ALKBH3: variants seen among roughly 807,000 people sequenced by gnomAD.
ALKBH3 encodes the protein alkB homolog 3, alpha-ketoglutarate dependent dioxygenase, also known as alpha-ketoglutarate-dependent dioxygenase alkB homolog 3.
In ALKBH3, 51 loss-of-function variants were observed where a neutral mutation model predicts 43.9. That is an observed-to-expected ratio of 1.16 (90% CI 0.93 to 1.47). ALKBH3 has a LOEUF of 1.47. Ranked by LOEUF, ALKBH3 falls within the 40% of genes most tolerant of loss-of-function variation. The pLI, the probability that ALKBH3 is intolerant of heterozygous loss-of-function variation, is 0.00. For synonymous variants in ALKBH3, 102 were observed against 115.2 expected (o/e 0.89, Z 0.73); for missense variants, 361 against 351.9 (o/e 1.03, Z -0.21).
intron 7 of ALKBH3, chr11:43,897,772 A>G (rs562877661): frequency 6.2e-5 from 50 of 809,322 alleles, no homozygotes; most frequent in South Asian, 5.5e-4. Flanking sequence ...TCCAATTGCT[A>G]TACCGTTCAC....
At chr11:43,917,141 G>A (rs1199692732) in intron 8 of ALKBH3, among the ~76,000 whole-genome samples, 1 of 152,172 alleles carries the variant, frequency 6.6e-6, no homozygotes, top group Non-Finnish European at 1.5e-5. Context: ...ACCAACCTGA[G>A]ACTTTCTCTC....
chr11:43,901,154 C>G (rs1951861155), intron 7 of ALKBH3, among the ~76,000 whole-genome samples: 1 of 152,180 alleles, frequency 6.6e-6, no homozygotes, highest in African/African-American at 2.4e-5. Flanking sequence ...GCTCCACTTA[C>G]CACCTTAATG....
At chr11:43,909,241 T>A (rs1951918899) in intron 8 of ALKBH3, 1 of 152,208 alleles carries the variant, frequency 6.6e-6, no homozygotes, top group South Asian at 2.1e-4. Context: ...TAGGATGTCA[T>A]CAGTTAAAGT....
At chr11:43,906,540 C>T (rs1257631868) in intron 8 of ALKBH3, among the ~76,000 whole-genome samples, 3 of 152,128 alleles carry the variant, frequency 2.0e-5, no homozygotes, top group Admixed American at 2.0e-4. Flanking sequence ...ATAGCACCTA[C>T]TCTAAGAGAT....
At chr11:43,902,518 C>A (rs1951870171) in intron 8 of ALKBH3, among the ~76,000 whole-genome samples, 1 of 152,222 alleles carries the variant, frequency 6.6e-6, no homozygotes, top group Admixed American at 6.5e-5. Flanking sequence ...CTCTTCCTAA[C>A]CAGCATTCCT....
At chr11:43,892,680 C>T (rs953194484) in intron 7 of ALKBH3, among the ~76,000 whole-genome samples, 1 of 152,218 alleles carries the variant, frequency 6.6e-6, no homozygotes, top group Non-Finnish European at 1.5e-5. Context: ...AAATTAAGCT[C>T]ATCCAGGGGA....
intron 7 of ALKBH3, among the ~76,000 whole-genome samples, chr11:43,900,765 A>G (rs1390538986): frequency 2.0e-5 from 3 of 152,166 alleles, no homozygotes; most frequent in Non-Finnish European, 2.9e-5. Flanking sequence ...GCTCCCAAGT[A>G]CAATCTAAGG....
At chr11:43,907,228 T>TGC (rs1951902132) in intron 8 of ALKBH3, among the ~76,000 whole-genome samples, 2 of 151,896 alleles carry the variant, frequency 1.3e-5, no homozygotes, top group African/African-American at 2.4e-5. Flanking sequence ...TGTGTGTGTG[T>TGC]GCGTGTGTGT....
At chr11:43,887,062 C>G (rs1475311375) in intron 5 of ALKBH3, among the ~76,000 whole-genome samples, 1 of 152,032 alleles carries the variant, frequency 6.6e-6, no homozygotes, top group Admixed American at 6.6e-5. Context: ...ATGACAAAAG[C>G]GTACCTATAT....
intron 8 of ALKBH3, among the ~76,000 whole-genome samples, chr11:43,911,025 G>T (rs1382127443): frequency 2.0e-5 from 3 of 152,200 alleles, no homozygotes; most frequent in East Asian, 3.8e-4. Context: ...CCTTATGGGG[G>T]TTACAGGAGC....
chr11:43,897,418 C>T, intron 7 of ALKBH3: 1 of 731,356 alleles, frequency 1.4e-6, no homozygotes. Context: ...TTATCCTTGG[C>T]AAGACAGGTG....
In ALKBH3 at chr11:43,881,118, G is replaced by A. The variant is rs1247782671; in HGVS notation, c.-132G>A. The A allele has an allele frequency of 3.9e-5, 6 of 152,504 alleles. No homozygotes were observed. In the East Asian group the frequency reaches 7.7e-4, roughly 20 times the overall value. The allele number at this position is 152,504 out of a possible 1,614,324, so 9.4% of individuals were successfully genotyped here. ...TCCACCTGCGGAGCTCGCTTAGTCT[G>A]CACCTCAACCGTGCGGAAAGTGACT... On this transcript the variant is annotated 5_prime_UTR_variant, in exon 1 of 10. Transcript: ENST00000302708.
chr11:43,884,375 CTTTTTTT>C (rs113557050), intron 4 of ALKBH3, among the ~76,000 whole-genome samples: 1 of 134,116 alleles, frequency 7.5e-6, no homozygotes, highest in Admixed American at 7.3e-5. Flanking sequence ...TTAATTGCCT[CTTTTTTT>C]TTTTTTTTTT....
chr11:43,917,851 A>G (rs1015353159), intron 8 of ALKBH3, among the ~76,000 whole-genome samples: 2 of 152,224 alleles, frequency 1.3e-5, no homozygotes, highest in East Asian at 1.9e-4. Flanking sequence ...CATTGCTTCT[A>G]TCTTCTGTCT....
intron 8 of ALKBH3, among the ~76,000 whole-genome samples, chr11:43,905,232 A>G (rs1951887799): frequency 6.6e-6 from 1 of 152,180 alleles, no homozygotes; most frequent in African/African-American, 2.4e-5. Flanking sequence ...CCTTGAGCAG[A>G]TCTCCATTAA....
chr11:43,897,517 C>A, intron 7 of ALKBH3: 1 of 761,476 alleles, frequency 1.3e-6, no homozygotes, highest in Non-Finnish European at 2.4e-6. Context: ...TTAATTATGG[C>A]TGCCTATGAA....
chr11:43,901,532 G>A lies in ALKBH3; in HGVS notation c.476G>A (p.Arg159His), dbSNP rs202134415. 34 of 1,613,680 alleles carry A rather than the reference G, an allele frequency of 2.1e-5. No homozygotes were observed. In the African/African-American group the frequency reaches 2.1e-4, roughly 10 times the overall value. The part of the protein sequence containing the change: ...EPNPHWHPVL[R>H]TLKNRIEENT... ...GGATTGCAGTGGCACCCTGTGCTGCGCACACTAAAGAACCGCATTGAAGAG... is the reference window on the plus strand; with the variant it reads ...GGATTGCAGTGGCACCCTGTGCTGCACACACTAAAGAACCGCATTGAAGAG... The change falls in exon 8 of 10, where the codon CGC becomes CAC. Residue 159 changes from arginine to histidine, a missense_variant. Arg to His is a conservative substitution (Grantham distance 29, BLOSUM62 0). Coordinates refer to ENST00000302708, the MANE Select transcript of ALKBH3 (RefSeq NM_139178.4).
At chr11:43,901,867 C>A in intron 8 of ALKBH3, 142 bp downstream of exon 8, 1 of 1,033,724 alleles carries the variant, frequency 9.7e-7, no homozygotes, top group Non-Finnish European at 1.4e-6. Flanking sequence ...GACTACTTCC[C>A]CATGGTTAAC....
intron 7 of ALKBH3, 145 bp downstream of exon 7, chr11:43,892,274 G>C: frequency 1.5e-6 from 1 of 662,594 alleles, no homozygotes; most frequent in Non-Finnish European, 2.5e-6. Flanking sequence ...TTGAGTCTTT[G>C]TGCTTGTCAT....
Sources: gnomAD v4.1 joint callset for allele counts (sites outside exome capture counted in the v4.1 genomes callset) on GRCh38, gnomAD v4.1.1 for gene constraint, MANE v1.5 for transcripts, NCBI Gene and HGNC (gene_info 2026-07-23, HGNC 2026-07-21) for gene names.